Variants in PFKM observed in about 807,000 individuals in gnomAD.
The protein encoded by PFKM is phosphofructokinase, muscle.
In PFKM, 58 loss-of-function variants were observed where a neutral mutation model predicts 95.5. The ratio of observed to expected loss-of-function variants is 0.61; its 90% CI spans 0.49 to 0.76. PFKM has a LOEUF of 0.76. Among genes scored for constraint, PFKM ranks in the 30% least tolerant of loss-of-function variants. The pLI, the probability that PFKM is intolerant of heterozygous loss-of-function variation, is 0.00. For missense variants in PFKM, 678 were observed against 1,005.4 expected, an observed-to-expected ratio of 0.67 and a Z score of 4.40; for synonymous variants, 336 against 357.2, an observed-to-expected ratio of 0.94 and a Z score of 0.67.
intron 19 of PFKM, 79 bp from the exon 20 acceptor site, chr12:48,143,967 T>G (rs1332231042): frequency 1.7e-6 from 2 of 1,196,010 alleles, no homozygotes; most frequent in Non-Finnish European, 2.5e-6. Flanking sequence ...AGATAAAAAT[T>G]GAAAGGAAAG....
chr12:48,122,007 A>G (rs1948334739), intron 1 of PFKM, among the ~76,000 whole-genome samples: 1 of 152,142 alleles, frequency 6.6e-6, no homozygotes, highest in African/African-American at 2.4e-5. Context: ...CCCATGTCGT[A>G]TGTACACATC....
intron 2 of PFKM, among the ~76,000 whole-genome samples, chr12:48,126,358 G>A (rs1352522239): frequency 6.6e-6 from 1 of 152,162 alleles, no homozygotes. Flanking sequence ...GGGGTTTGAG[G>A]CATAGGTACC....
At chr12:48,108,277 G>T in intron 3 of PFKM, 1 of 1,282,028 alleles carries the variant, frequency 7.8e-7, no homozygotes, top group Non-Finnish European at 1.1e-6. Context: ...ATAAATCAGC[G>T]TAGACCTACT....
Position 48,145,392 on chromosome 12 carries a change from C to T in PFKM, c.2198+77C>T. 4 of 1,329,322 alleles carry T rather than the reference C, an allele frequency of 3.0e-6. No homozygotes were observed. The South Asian group carries it at 4.8e-5, about 16-fold the overall frequency. 82.3% of individuals were successfully genotyped at this position (1,329,322 alleles called of 1,614,324 possible). On this transcript the variant is annotated intron_variant, in intron 22 of 22. Coordinates refer to ENST00000359794, the MANE Select transcript of PFKM (RefSeq NM_000289.6). This position sits in a 1 kb window ranked among gnomAD's most constrained non-coding sequence, Gnocchi z 4.3. ...CTACTGTCCTCAACCTGTTCACTGTCTTTAATTCTTTTTTTTTTTTAAGGA... is the reference window on the plus strand; with the variant it reads ...CTACTGTCCTCAACCTGTTCACTGTTTTTAATTCTTTTTTTTTTTTAAGGA...
chr12:48,110,644 T>C (rs1301140766), intron 3 of PFKM, among the ~76,000 whole-genome samples: 1 of 152,162 alleles, frequency 6.6e-6, no homozygotes, highest in African/African-American at 2.4e-5. Context: ...TCACAGGGAC[T>C]CCCTCCAGGG....
chr12:48,129,188 C>A (rs1036206936), intron 2 of PFKM, among the ~76,000 whole-genome samples: 1 of 62,504 alleles, frequency 1.6e-5, no homozygotes, highest in Non-Finnish European at 3.7e-5. Context: ...AGTTTTTGTT[C>A]TGTTTTGTTT....
At chr12:48,113,980 G>C (rs1947444453) in intron 3 of PFKM, among the ~76,000 whole-genome samples, 1 of 152,118 alleles carries the variant, frequency 6.6e-6, no homozygotes, top group Non-Finnish European at 1.5e-5. Flanking sequence ...CTTTAAGTTT[G>C]TCATAATTAA....
chr12:48,108,090 C>G, exon 3 of PFKM: 1 of 1,599,336 alleles, frequency 6.3e-7, no homozygotes, highest in Non-Finnish European at 8.5e-7. Context: ...GCTTCTACTT[C>G]CAGCATGCTC....
Position 48,135,317 on chromosome 12 carries a change from C to T in PFKM, c.870C>T (p.Asp290=), listed in dbSNP as rs2135924488. 1 of 1,614,126 alleles carries T rather than the reference C, an allele frequency of 6.2e-7. No individual in the cohort carries two copies. The highest frequency in any genetic ancestry group is 8.5e-7 in the Non-Finnish European group (1 of 1,179,974). The change falls in exon 10 of 23, where the codon GAC becomes GAT. Residue 290 remains aspartate, a synonymous_variant. Coordinates refer to ENST00000359794, the MANE Select transcript of PFKM (RefSeq NM_000289.6). ...TGGTGGTTAAGCGTCTGGGATATGA[C>T]ACCCGGGTTACTGTCTTGGGGCATG... ...KNLVVKRLGY[D]TRVTVLGHVQ...
rs770405300 is a variant in PFKM, at chr12:48,141,989, C to T, written c.1576C>T (p.Pro526Ser). 1.9e-6 allele frequency: 3 copies of T among 1,614,032 alleles called. No homozygotes were observed. Among genetic ancestry groups the T allele is most frequent in the Admixed American group, 3.3e-5 (2 of 60,022 alleles). ...DELCIPFVVIPATVSNNVPGS... is the reference protein window; with the variant it reads ...DELCIPFVVISATVSNNVPGS... The stretch of plus-strand genomic sequence containing the variant: ...GCTCTGCATCCCATTTGTGGTCATT[C>T]CTGCTACAGTCTCCAACAATGTCCC... The change falls in exon 17 of 23, where the codon CCT becomes TCT. Residue 526 changes from proline (P) to serine (S), a missense_variant. By Grantham distance (74) the Pro-to-Ser change is moderately conservative (BLOSUM62 -1). Transcript: ENST00000359794.
Position 48,135,341 on chromosome 12 carries a change from T to C in PFKM, c.894T>C (p.His298=). 1 of 1,614,190 alleles carries C rather than the reference T, an allele frequency of 6.2e-7. No individual in the cohort carries two copies. The highest frequency in any genetic ancestry group is 8.5e-7 in the Non-Finnish European group (1 of 1,180,014). The change falls in exon 10 of 23, where the codon CAT becomes CAC. Residue 298 remains histidine, a synonymous_variant. Coordinates refer to ENST00000359794, the MANE Select transcript of PFKM (RefSeq NM_000289.6). ...GYDTRVTVLG[H]VQRGGTPSAF... The stretch of plus-strand genomic sequence containing the variant: ...ACACCCGGGTTACTGTCTTGGGGCA[T>C]GTGCAGAGGGGTGGGACGCCATCAG...
chr12:48,132,381 A>G (rs1013675337), intron 4 of PFKM, among the ~76,000 whole-genome samples: 2 of 152,198 alleles, frequency 1.3e-5, no homozygotes, highest in Non-Finnish European at 2.9e-5. Context: ...GCTAAGGGGA[A>G]AGGATTGGCA....
At chr12:48,107,062 T>G (rs1946715487) in intron 1 of PFKM, among the ~76,000 whole-genome samples, 1 of 152,150 alleles carries the variant, frequency 6.6e-6, no homozygotes, top group Admixed American at 6.5e-5. Context: ...AAATGCCCCC[T>G]TAATAGGTCC....
chr12:48,116,936 C>T (rs1173551203), upstream of PFKM, among the ~76,000 whole-genome samples: 1 of 152,206 alleles, frequency 6.6e-6, no homozygotes, highest in Non-Finnish European at 1.5e-5. Flanking sequence ...TGCATAATGT[C>T]ATGACAAATG....
chr12:48,144,002 G>A, intron 19 of PFKM, 44 bp from the exon 20 acceptor site: 1 of 1,398,804 alleles, frequency 7.1e-7, no homozygotes, highest in Non-Finnish European at 1.0e-6. Flanking sequence ...TGGGGGATGG[G>A]AAGCCAACCA....
At chr12:48,105,480 T>TA (rs1946458300), upstream of PFKM, 1 of 518,966 alleles carries the variant, frequency 1.9e-6, no homozygotes, top group Admixed American at 1.9e-5. Flanking sequence ...TCCAGACGTT[T>TA]CTTTCTGATG....
At chr12:48,118,571 A>G, upstream of PFKM, 1 of 1,482,760 alleles carries the variant, frequency 6.7e-7, no homozygotes, top group Non-Finnish European at 9.1e-7. Flanking sequence ...AATGAAGCAA[A>G]GGGAAGGTGA....
intron 6 of PFKM, 73 bp from the exon 7 acceptor site, chr12:48,134,159 G>T (rs538407666): frequency 8.1e-7 from 1 of 1,233,602 alleles, no homozygotes; most frequent in East Asian, 2.3e-5. Context: ...AGGGTAATTG[G>T]CCTAGATGTG....
chr12:48,118,961 C>T (rs539258091), upstream of PFKM, among the ~76,000 whole-genome samples: 188 of 152,160 alleles, frequency 1.2e-3, 2 homozygotes, highest in South Asian at 2.9e-3. Flanking sequence ...TGCTTAAAGA[C>T]GGATAGAGGG....
Sources: gnomAD v4.1 joint callset for allele counts (sites outside exome capture counted in the v4.1 genomes callset) on GRCh38, gnomAD v4.1.1 for gene constraint, Gnocchi (gnomAD v3.1) non-coding constraint, MANE v1.5 for transcripts, NCBI Gene and HGNC (gene_info 2026-07-23, HGNC 2026-07-21) for gene names.